Variants in OSR2 observed in about 807,000 individuals in gnomAD.
OSR2 encodes the protein odd-skipped related transciption factor 2, also known as protein odd-skipped-related 2.
Under a neutral mutation model 22.3 loss-of-function variants are expected in OSR2, and 8 were observed. The ratio of observed to expected loss-of-function variants is 0.36; its 90% CI spans 0.21 to 0.65. The LOEUF (loss-of-function observed/expected upper bound fraction) is 0.65, where lower values mean the gene tolerates loss of function less well. OSR2 is among the 30% of genes least tolerant of loss of function. OSR2 has a pLI of 0.66. For synonymous variants in OSR2, 179 were observed against 173.8 expected (o/e 1.03, Z -0.23); for missense variants, 311 against 413.4 (o/e 0.75, Z 2.15).
intron 2 of OSR2, among the ~76,000 whole-genome samples, chr8:98,950,153 T>A (rs186466786): frequency 6.6e-6 from 1 of 152,270 alleles, no homozygotes; most frequent in African/African-American, 2.4e-5. Context: ...ACAAGGCAAT[T>A]GAAGGCATTC....
chr8:98,949,668 A>AAAT lies in OSR2; in HGVS notation c.656+60_656+61insAAT. 6.5e-7 allele frequency: 1 copy of AAAT among 1,529,210 alleles called. No homozygotes were observed. The highest frequency in any genetic ancestry group is 8.9e-7 in the Non-Finnish European group (1 of 1,129,758). 94.7% of individuals were successfully genotyped at this position (1,529,210 alleles called of 1,614,324 possible). A position where few individuals can be genotyped will look rare whatever the true frequency, so the allele number is the denominator to read the frequency against. On this transcript the variant is annotated intron_variant, in intron 2 of 3. Coordinates refer to ENST00000297565, the MANE Select transcript of OSR2 (RefSeq NM_001142462.3). This position sits in a 1 kb window ranked among gnomAD's most constrained non-coding sequence, Gnocchi z 5.9. The stretch of plus-strand genomic sequence containing the variant: ...AAGCGAATTTGTCCTGGACACACCG[A>AAAT]GTCCTGATAGACATTCCCAGTGTCA...
At position 98,949,433 on chromosome 8, in the gene OSR2, C is replaced by A. The variant is rs1399087431; in HGVS notation, c.481C>A (p.Arg161=). ...ATTGACTCCGGACAGAAAGCCCTCT[C>A]GAGGAAGGTTGCCCTCCAAAACGAA... ...SKLTPDRKPS[R]GRLPSKTKKE... is the part of the protein sequence containing the mutation. Residue 161 remains arginine, a synonymous_variant, in exon 2 of 4, where the codon CGA becomes AGA. Coordinates refer to ENST00000297565, the MANE Select transcript of OSR2 (RefSeq NM_001142462.3). The surrounding 1 kb of genome is among the most constrained non-coding windows in gnomAD (Gnocchi z 5.9). The A allele has an allele frequency of 1.2e-6, 2 of 1,614,038 alleles. No homozygotes were observed. Among genetic ancestry groups the A allele is most frequent in the South Asian group, 1.1e-5 (1 of 91,084 alleles).
intron 1 of OSR2, among the ~76,000 whole-genome samples, chr8:98,947,425 C>T (rs1840641053): frequency 6.6e-6 from 1 of 152,060 alleles, no homozygotes; most frequent in African/African-American, 2.4e-5. Context: ...GAAGGGAAGG[C>T]TGGAGTCTCT....
rs1273593220 is a variant in OSR2 at position 98,951,715 on chromosome 8, C to T, written c.*14C>T. 6.2e-7 allele frequency: 1 copy of T among 1,602,530 alleles called. No homozygotes were observed. Among genetic ancestry groups the T allele is most frequent in the East Asian group, 2.3e-5 (1 of 44,360 alleles). ...CAGGACTTCTAGAGAAGCCCAGGAT[C>T]TGTCCCGTGCCGCCGCTGCTCCCCT... On this transcript the variant is annotated 3_prime_UTR_variant, in exon 4 of 4. Transcript: ENST00000297565.
At chr8:98,947,222 C>T (rs760927937) in intron 1 of OSR2, among the ~76,000 whole-genome samples, 3 of 151,722 alleles carry the variant, frequency 2.0e-5, no homozygotes, top group Non-Finnish European at 4.4e-5. Context: ...CAAGCAGAAG[C>T]GATTCGTTAA....
intron 1 of OSR2, among the ~76,000 whole-genome samples, chr8:98,945,787 T>C (rs1428500102): frequency 6.6e-6 from 1 of 152,224 alleles, no homozygotes; most frequent in East Asian, 1.9e-4. Flanking sequence ...TTAATGATCT[T>C]CTTTGATCTA....
Position 98,949,340 on chromosome 8 carries a change from C to G in OSR2, c.388C>G (p.Pro130Ala), listed in dbSNP as rs1317194746. ...NLAVAATQED[P>A]PKMGDLSKLS... is the part of the protein sequence containing the mutation. ...GGCGGTGGCTGCCACGCAAGAGGAT[C>G]CGCCTAAGATGGGAGACCTGAGCAA... Residue 130 changes from proline (P) to alanine (A), a missense_variant, in exon 2 of 4, where the codon CCG becomes GCG. Coordinates refer to ENST00000297565, the MANE Select transcript of OSR2 (RefSeq NM_001142462.3). This position sits in a 1 kb window ranked among gnomAD's most constrained non-coding sequence, Gnocchi z 5.9. 1.9e-6 allele frequency: 3 copies of G among 1,612,994 alleles called. No homozygotes were observed. Among genetic ancestry groups the G allele is most frequent in the Non-Finnish European group, 2.5e-6 (3 of 1,179,348 alleles).
At chr8:98,947,860 C>CCCTCTCTTCTCTCT (rs1840655864) in intron 1 of OSR2, among the ~76,000 whole-genome samples, 1 of 152,180 alleles carries the variant, frequency 6.6e-6, no homozygotes, top group Non-Finnish European at 1.5e-5. Context: ...CTCTCCTCTC[C>CCCTCTCTTCTCTCT]CCTCTCTTCT....
intron 1 of OSR2, among the ~76,000 whole-genome samples, chr8:98,947,920 C>T (rs992834977): frequency 1.3e-5 from 2 of 152,186 alleles, no homozygotes; most frequent in African/African-American, 4.8e-5. Flanking sequence ...ATGTAGGGGT[C>T]GCTCCTCGGT....
At chr8:98,945,355 A>T (rs1164092308) in intron 1 of OSR2, among the ~76,000 whole-genome samples, 1 of 152,192 alleles carries the variant, frequency 6.6e-6, no homozygotes, top group East Asian at 1.9e-4. Flanking sequence ...GGGGGCCCAA[A>T]AGCAAACTCC....
At position 98,949,180 on chromosome 8, in the gene OSR2, G is replaced by A. The variant is rs547964746; in HGVS notation, c.228G>A (p.Gln76=). 18 of 1,598,990 alleles carry A rather than the reference G, an allele frequency of 1.1e-5. No individual in the cohort carries two copies. In the East Asian group the frequency reaches 3.8e-4, roughly 34 times the overall value. The change falls in exon 2 of 4, where the codon CAG becomes CAA. Residue 76 remains glutamine, a synonymous_variant. Transcript: ENST00000297565. The surrounding 1 kb of genome is among the most constrained non-coding windows in gnomAD (Gnocchi z 5.9). The part of the protein sequence containing the change: ...RSTITEMAAA[Q]GLVDARFPFP... ...CCATCACGGAGATGGCGGCGGCGCA[G>A]GGCCTCGTGGACGCGCGCTTCCCCT...
At position 98,948,073 on chromosome 8, in the gene OSR2, T is replaced by C; in HGVS notation, c.-114-766T>C. The C allele has an allele frequency of 7.6e-7, 1 of 1,307,664 alleles. No individual in the cohort carries two copies. The highest frequency in any genetic ancestry group is 9.8e-7 in the Non-Finnish European group (1 of 1,021,736). 81.0% of individuals were successfully genotyped at this position (1,307,664 alleles called of 1,614,324 possible). A position where few individuals can be genotyped will look rare whatever the true frequency, so the allele number is the denominator to read the frequency against. On this transcript the variant is annotated intron_variant, in intron 1 of 3. Transcript: ENST00000297565. This position sits in a 1 kb window ranked among gnomAD's most constrained non-coding sequence, Gnocchi z 6.0. ...ATCTGGAAGGGATCTTAGTCGGGGGTTGGGAGGAGAGCCCGTGGATAGGAG... is the reference window on the plus strand; with the variant it reads ...ATCTGGAAGGGATCTTAGTCGGGGGCTGGGAGGAGAGCCCGTGGATAGGAG...
Position 98,948,075 on chromosome 8 carries a change from GGGAGGAGAGCCCGTGGATA to G in OSR2, c.-114-756_-114-738del, listed in dbSNP as rs1274007792. 9.9e-6 allele frequency: 13 copies of G among 1,317,016 alleles called. No homozygotes were observed. Among genetic ancestry groups the G allele is most frequent in the Middle Eastern group, 2.1e-4 (1 of 4,850 alleles). The allele number at this position is 1,317,016 out of a possible 1,614,324, so 81.6% of individuals were successfully genotyped here. A position where few individuals can be genotyped will look rare whatever the true frequency, so the allele number is the denominator to read the frequency against. ...CTGGAAGGGATCTTAGTCGGGGGTT[GGGAGGAGAGCCCGTGGATA>G]GGAGGAGGGGGCGATTCTAGGCCGA... On this transcript the variant is annotated intron_variant, in intron 1 of 3. Transcript: ENST00000297565. The surrounding 1 kb of genome is among the most constrained non-coding windows in gnomAD (Gnocchi z 6.0).
rs913484300 is a variant in OSR2 at position 98,948,483 on chromosome 8, G to A, written c.-114-356G>A. The A allele has an allele frequency of 8.8e-6, 12 of 1,355,980 alleles. No homozygotes were observed. Among genetic ancestry groups the A allele is most frequent in the East Asian group, 2.7e-5 (1 of 36,494 alleles). 84.0% of individuals were successfully genotyped at this position (1,355,980 alleles called of 1,614,324 possible). ...ACTGAGCTTCGCCTAACAGGCTTGG[G>A]GAGGGTGGGCTGGGCTGGGCTGGGC... On this transcript the variant is annotated intron_variant, in intron 1 of 3. Transcript: ENST00000297565. The surrounding 1 kb of genome is among the most constrained non-coding windows in gnomAD (Gnocchi z 6.0).
rs1039324981 is a variant in OSR2, at chr8:98,948,087, C to T, written c.-114-752C>T. On this transcript the variant is annotated intron_variant, in intron 1 of 3. Transcript: ENST00000297565. This position sits in a 1 kb window ranked among gnomAD's most constrained non-coding sequence, Gnocchi z 6.0. ...TTAGTCGGGGGTTGGGAGGAGAGCC[C>T]GTGGATAGGAGGAGGGGGCGATTCT... is the stretch of plus-strand genomic sequence containing the variant. 12 of 1,336,836 alleles carry T rather than the reference C, an allele frequency of 9.0e-6. No homozygotes were observed. Among genetic ancestry groups the T allele is most frequent in the African/African-American group, 4.6e-5 (3 of 65,794 alleles). The allele number at this position is 1,336,836 out of a possible 1,614,324, so 82.8% of individuals were successfully genotyped here.
Position 98,948,879 on chromosome 8 carries a change from G to T in OSR2, c.-74G>T. 6.2e-7 allele frequency: 1 copy of T among 1,611,834 alleles called. No individual in the cohort carries two copies. Among genetic ancestry groups the T allele is most frequent in the Non-Finnish European group, 8.5e-7 (1 of 1,179,502 alleles). The stretch of plus-strand genomic sequence containing the variant: ...CTGTTGTCTCACTGGGTTTTTGTCG[G>T]AGCCCCACGCCCTCCGGCCTCTGAT... On this transcript the variant is annotated 5_prime_UTR_variant, in exon 2 of 4. Coordinates refer to ENST00000297565, the MANE Select transcript of OSR2 (RefSeq NM_001142462.3). This position sits in a 1 kb window ranked among gnomAD's most constrained non-coding sequence, Gnocchi z 6.0.
Position 98,948,056 on chromosome 8 carries a change from G to A in OSR2, c.-114-783G>A. The stretch of plus-strand genomic sequence containing the variant: ...CCCTGGGAGCCTGAACCATCTGGAA[G>A]GGATCTTAGTCGGGGGTTGGGAGGA... On this transcript the variant is annotated intron_variant, in intron 1 of 3. Transcript: ENST00000297565. The surrounding 1 kb of genome is among the most constrained non-coding windows in gnomAD (Gnocchi z 6.0). The A allele has an allele frequency of 2.4e-6, 3 of 1,250,182 alleles. No homozygotes were observed. The highest frequency in any genetic ancestry group is 3.1e-6 in the Non-Finnish European group (3 of 972,318). The allele number at this position is 1,250,182 out of a possible 1,614,324, so 77.4% of individuals were successfully genotyped here.
rs1259721947 is a variant in OSR2, at chr8:98,951,507, A to C, written c.757-12A>C. Reference sequence around the variant, plus strand: ...GAAGGATTAATCCTTTGCTTGCTTCACATCTGAACAGGAATCTCCACACAA... The same window carrying C: ...GAAGGATTAATCCTTTGCTTGCTTCCCATCTGAACAGGAATCTCCACACAA... On this transcript the variant is annotated splice_polypyrimidine_tract_variant and intron_variant, in intron 3 of 3. Transcript: ENST00000297565. 1 of 1,567,350 alleles carries C rather than the reference A, an allele frequency of 6.4e-7. No homozygotes were observed. The highest frequency in any genetic ancestry group is 8.7e-7 in the Non-Finnish European group (1 of 1,155,828).
intron 1 of OSR2, among the ~76,000 whole-genome samples, chr8:98,947,770 A>G (rs781141812): frequency 2.0e-5 from 3 of 152,106 alleles, no homozygotes; most frequent in Non-Finnish European, 4.4e-5. Flanking sequence ...GGTTCCTGCA[A>G]GCCAGCAGGG....
Sources: gnomAD v4.1 joint callset for allele counts (sites outside exome capture counted in the v4.1 genomes callset) on GRCh38, gnomAD v4.1.1 for gene constraint, Gnocchi (gnomAD v3.1) non-coding constraint, MANE v1.5 for transcripts, NCBI Gene and HGNC (gene_info 2026-07-23, HGNC 2026-07-21) for gene names.